The following DGKH variants were observed in gnomAD, a reference collection of about 807,000 sequenced individuals.
The protein encoded by DGKH is diacylglycerol kinase eta.
Under a neutral mutation model 159.3 loss-of-function variants are expected in DGKH, and 90 were observed. The ratio of observed to expected loss-of-function variants is 0.57; its 90% confidence interval spans 0.48 to 0.67. The LOEUF (loss-of-function observed/expected upper bound fraction) is 0.67. Among genes scored for constraint, DGKH ranks in the 30% least tolerant of loss-of-function variants. The pLI, the probability that DGKH is intolerant of heterozygous loss-of-function variation, is 0.00. For missense variants in DGKH, 1,181 were observed against 1,506.1 expected (o/e 0.78, Z 3.57); for synonymous variants, 536 against 553.8 (o/e 0.97, Z 0.45).
chr13:42,226,856 CA>C (rs71202214), intron 29 of DGKH, among the ~76,000 whole-genome samples: 24,703 of 132,688 alleles, frequency 0.19, 2,178 homozygotes, highest in African/African-American at 0.25. Context: ...GACTCTGTCT[CA>C]AAAAAAAAAA....
At chr13:42,070,230 G>A (rs188995239) in intron 1 of DGKH, 45 of 1,101,556 alleles carry the variant, frequency 4.1e-5, no homozygotes, top group East Asian at 9.4e-5. Flanking sequence ...TCAGTGCTTC[G>A]CGACTAATTC....
At chr13:42,102,256 C>A (rs935256627) in intron 1 of DGKH, among the ~76,000 whole-genome samples, 16 of 152,258 alleles carry the variant, frequency 1.1e-4, no homozygotes, top group South Asian at 1.0e-3. Flanking sequence ...AGGTCAAACA[C>A]CTGCTGGAGC....
chr13:42,214,378 TTAAAAGTGTTCTTCCATACTGATCTTCA>T, intron 24 of DGKH, 101 bp from the exon 25 acceptor site: 1 of 728,022 alleles, frequency 1.4e-6, no homozygotes. Flanking sequence ...TGAGCAGCCA[TTAAAAGTGTTCTTCCATACTGATCTTCA>T]TATATTTTTT....
At chr13:42,154,415 C>T (rs1955989437) in intron 3 of DGKH, among the ~76,000 whole-genome samples, 1 of 152,102 alleles carries the variant, frequency 6.6e-6, no homozygotes, top group African/African-American at 2.4e-5. Context: ...TAAATAGGGG[C>T]TTCTTTCAAG....
intron 1 of DGKH, among the ~76,000 whole-genome samples, chr13:42,091,265 C>G (rs1954412140): frequency 6.6e-6 from 1 of 151,958 alleles, no homozygotes; most frequent in African/African-American, 2.4e-5. Context: ...GCAATGACTT[C>G]TTGGATATGA....
intron 26 of DGKH, among the ~76,000 whole-genome samples, chr13:42,215,933 C>T (rs931815017): frequency 3.9e-5 from 6 of 152,182 alleles, no homozygotes; most frequent in Admixed American, 6.5e-5. Flanking sequence ...CATTCAGCTT[C>T]GAGAGACGTG....
chr13:42,134,894 T>C (rs946677597), intron 3 of DGKH, among the ~76,000 whole-genome samples: 2 of 152,116 alleles, frequency 1.3e-5, no homozygotes, highest in African/African-American at 4.8e-5. Flanking sequence ...GGAGAATTGC[T>C]TGAACCCGGG....
At chr13:42,119,015 G>A (rs191973323) in intron 1 of DGKH, among the ~76,000 whole-genome samples, 37 of 152,250 alleles carry the variant, frequency 2.4e-4, no homozygotes, top group African/African-American at 8.7e-4. Context: ...ACCCACTTCT[G>A]CCATTTGAAT....
chr13:42,063,948 AAT>A (rs57230220), intron 1 of DGKH, among the ~76,000 whole-genome samples: 61 of 128,836 alleles, frequency 4.7e-4, no homozygotes, highest in Admixed American at 1.3e-3. Context: ...TGAAAAAAAA[AAT>A]ATATATATAT....
chr13:42,152,022 C>T (rs1229616787), intron 3 of DGKH, among the ~76,000 whole-genome samples: 2 of 152,104 alleles, frequency 1.3e-5, no homozygotes, highest in Non-Finnish European at 2.9e-5. Context: ...GTTTGCATTT[C>T]TCATGATGAG....
intron 11 of DGKH, 29 bp downstream of exon 11, chr13:42,168,847 A>C (rs549266212): frequency 7.1e-5 from 114 of 1,595,560 alleles, no homozygotes; most frequent in Non-Finnish European, 9.4e-5. Flanking sequence ...CTACAACTAG[A>C]TGGAAAATGG....
In DGKH at chr13:42,229,380, A is replaced by G; in HGVS notation, c.*192A>G. On this transcript the variant is annotated 3_prime_UTR_variant, in exon 30 of 30. Coordinates refer to ENST00000337343, the MANE Select transcript of DGKH (RefSeq NM_178009.5). ...AAAATATTTTTGTGCCGAACAATAC[A>G]TTCCACAAAGCCATTTTCTTTTTGT... 1.9e-6 allele frequency: 1 copy of G among 520,142 alleles called. No individual in the cohort carries two copies. Among genetic ancestry groups the G allele is most frequent in the Non-Finnish European group, 3.3e-6 (1 of 300,658 alleles). 32.2% of individuals were successfully genotyped at this position (520,142 alleles called of 1,614,324 possible).
At chr13:42,144,928 G>C (rs1424758565) in intron 3 of DGKH, among the ~76,000 whole-genome samples, 1 of 152,150 alleles carries the variant, frequency 6.6e-6, no homozygotes, top group Non-Finnish European at 1.5e-5. Context: ...TTACCTTCAA[G>C]TGAGAAGAAA....
intron 1 of DGKH, among the ~76,000 whole-genome samples, chr13:42,100,088 G>T (rs969992043): frequency 6.6e-6 from 1 of 152,214 alleles, no homozygotes; most frequent in African/African-American, 2.4e-5. Flanking sequence ...GGGCAAGTGA[G>T]TGAAGCTTCA....
intron 8 of DGKH, among the ~76,000 whole-genome samples, chr13:42,166,145 G>C (rs979900595): frequency 6.6e-6 from 1 of 151,928 alleles, no homozygotes; most frequent in Non-Finnish European, 1.5e-5. Flanking sequence ...AGATATCTTA[G>C]ATATAAGTTT....
chr13:42,040,898 G>T (rs1434116429), intron 1 of DGKH, among the ~76,000 whole-genome samples: 2 of 148,488 alleles, frequency 1.3e-5, no homozygotes, highest in Admixed American at 1.3e-4. Flanking sequence ...GCCTCAGCAC[G>T]TGCGCCCCGC....
At chr13:42,168,635 T>C in intron 10 of DGKH, 44 bp from the exon 11 acceptor site, 1 of 1,613,864 alleles carries the variant, frequency 6.2e-7, no homozygotes, top group Non-Finnish European at 8.5e-7. Context: ...GTAGTCCCTA[T>C]TTCTCAACTT....
intron 9 of DGKH, among the ~76,000 whole-genome samples, chr13:42,167,418 C>T (rs1956339765): frequency 2.0e-5 from 3 of 152,316 alleles, no homozygotes; most frequent in Admixed American, 2.0e-4. Flanking sequence ...ATACCAGTGC[C>T]TGAAAAGGCA....
At chr13:42,104,242 G>GT (rs1490116464) in intron 1 of DGKH, among the ~76,000 whole-genome samples, 2 of 152,196 alleles carry the variant, frequency 1.3e-5, no homozygotes, top group Non-Finnish European at 2.9e-5. Context: ...AAGGGCCCAG[G>GT]TTCCTCCCAT....
Sources: gnomAD v4.1 joint callset for allele counts (sites outside exome capture counted in the v4.1 genomes callset) on GRCh38, gnomAD v4.1.1 for gene constraint, MANE v1.5 for transcripts, NCBI Gene and HGNC (gene_info 2026-07-23, HGNC 2026-07-21) for gene names.